PAX5: variants seen among roughly 807,000 people sequenced by gnomAD.
The protein encoded by PAX5 is paired box 5.
A neutral mutation model predicts 43.7 loss-of-function variants in PAX5; 9 were observed. The observed-to-expected ratio is 0.21, with a 90% confidence interval of 0.12 to 0.36. PAX5 has a LOEUF of 0.36. PAX5 is among the 10% of genes least tolerant of loss of function. The probability of loss-of-function intolerance (pLI) is 1.00; values close to 1 mark genes in which losing one functional copy is unlikely to be tolerated. For missense variants in PAX5, 383 were observed against 532.7 expected (o/e 0.72, Z 2.77); for synonymous variants, 228 against 214.3 (o/e 1.06, Z -0.56).
At chr9:36,849,087 A>G (rs1187977629) in intron 8 of PAX5, among the ~76,000 whole-genome samples, 2 of 152,110 alleles carry the variant, frequency 1.3e-5, no homozygotes, top group Non-Finnish European at 2.9e-5. Flanking sequence ...GTTCTGCAGC[A>G]CTGGCTTTGC....
chr9:37,005,997 CAA>C (rs1444746515), intron 4 of PAX5, among the ~76,000 whole-genome samples: 3 of 152,098 alleles, frequency 2.0e-5, no homozygotes, highest in East Asian at 1.9e-4. Flanking sequence ...GAGATCGAAG[CAA>C]GAGAGAGAGA....
Position 37,019,062 on chromosome 9 carries a change from A to G in PAX5, c.212+1574T>C, listed in dbSNP as rs538701023. On this transcript the variant is annotated intron_variant, in intron 2 of 9. Transcript: ENST00000358127. ...TCTCGGTACAATGAAGAGGCTCCAC[A>G]AAAAGATATCTAGGAGCCTTTTGGT... 9.9e-5 allele frequency among the ~76,000 whole-genome samples: 15 copies of G among 152,270 alleles called. 1 individual carries two copies. The South Asian group carries it at 2.1e-3, about 21-fold the overall frequency.
At chr9:36,888,629 A>C (rs1827106587) in intron 7 of PAX5, among the ~76,000 whole-genome samples, 1 of 152,218 alleles carries the variant, frequency 6.6e-6, no homozygotes, top group Non-Finnish European at 1.5e-5. Flanking sequence ...GGAAATGCTC[A>C]ACAGGCAAAG....
chr9:37,014,908 C>A, intron 3 of PAX5, 89 bp downstream of exon 3: 1 of 1,230,842 alleles, frequency 8.1e-7, no homozygotes, highest in Non-Finnish European at 1.2e-6. Context: ...AAAAAAGAGA[C>A]CAGATCTTCA....
At chr9:36,922,959 A>T (rs904741281) in intron 7 of PAX5, 23 of 182,186 alleles carry the variant, frequency 1.3e-4, no homozygotes, top group Non-Finnish European at 1.1e-5. Flanking sequence ...TCTGCCTGCC[A>T]ACATCAATCT....
At chr9:37,014,337 G>T (rs996080980) in intron 3 of PAX5, among the ~76,000 whole-genome samples, 1 of 152,198 alleles carries the variant, frequency 6.6e-6, no homozygotes, top group Non-Finnish European at 1.5e-5. Context: ...GAGATTCCAT[G>T]TATGAGTTGG....
intron 7 of PAX5, among the ~76,000 whole-genome samples, chr9:36,914,183 G>A (rs1829544987): frequency 6.6e-6 from 1 of 152,190 alleles, no homozygotes; most frequent in Non-Finnish European, 1.5e-5. Flanking sequence ...AAACATTCAG[G>A]TACGTGAGAA....
At chr9:36,991,299 T>C (rs1160563795) in intron 5 of PAX5, among the ~76,000 whole-genome samples, 1 of 152,060 alleles carries the variant, frequency 6.6e-6, no homozygotes, top group Non-Finnish European at 1.5e-5. Context: ...GACAGAAAGA[T>C]CTAGAATCTA....
intron 6 of PAX5, among the ~76,000 whole-genome samples, chr9:36,954,286 G>A (rs2132124427): frequency 6.6e-6 from 1 of 152,236 alleles, no homozygotes; most frequent in Middle Eastern, 3.4e-3. Context: ...AAGAAAACGT[G>A]TTGATTTTCC....
Position 37,034,104 on chromosome 9 carries a change from T to G in PAX5, c.-73A>C, listed in dbSNP as rs1418131206. The G allele has an allele frequency of 1.6e-6, 1 of 645,028 alleles. No individual in the cohort carries two copies. Among genetic ancestry groups the G allele is most frequent in the Non-Finnish European group, 2.5e-6 (1 of 407,528 alleles). The allele number at this position is 645,028 out of a possible 1,614,324, so 40.0% of individuals were successfully genotyped here. Reference sequence around the variant, plus strand: ...TTTTTGTGCCTTTTTTTTTCTTTTTTTTTTTTTTTTTTTTTTTTTTTTGGT... The same window carrying G: ...TTTTTGTGCCTTTTTTTTTCTTTTTGTTTTTTTTTTTTTTTTTTTTTTGGT... On this transcript the variant is annotated 5_prime_UTR_variant, in exon 1 of 10. Transcript: ENST00000358127.
chr9:36,957,851 C>T (rs566347036), intron 6 of PAX5, among the ~76,000 whole-genome samples: 12 of 152,272 alleles, frequency 7.9e-5, no homozygotes, highest in South Asian at 4.2e-4. Context: ...ACGCAAACTA[C>T]GAAATTCTTA....
intron 7 of PAX5, among the ~76,000 whole-genome samples, chr9:36,887,250 G>C (rs886248581): frequency 6.6e-6 from 1 of 152,074 alleles, no homozygotes; most frequent in Admixed American, 6.5e-5. Context: ...AGCACCTGAA[G>C]AAAAAACCAA....
chr9:36,946,009 T>C (rs1445891242), intron 6 of PAX5, among the ~76,000 whole-genome samples: 1 of 152,184 alleles, frequency 6.6e-6, no homozygotes, highest in Non-Finnish European at 1.5e-5. Context: ...GATGCACACA[T>C]ATACCTCCCC....
rs148539058 is a variant in PAX5, at chr9:36,881,753, C to T, written c.1012+251G>A. 3.1e-4 allele frequency among the ~76,000 whole-genome samples: 47 copies of T among 152,068 alleles called. No individual in the cohort carries two copies. In the East Asian group the frequency reaches 6.8e-3, roughly 22 times the overall value. ...GCACCCTCTGTGTTCAGACTCTGTA[C>T]GTGGCCAACAAGGCCTGTTTGAGTG... On this transcript the variant is annotated intron_variant, in intron 8 of 9. Transcript: ENST00000358127.
At chr9:36,859,212 G>A (rs1231948592) in intron 8 of PAX5, among the ~76,000 whole-genome samples, 2 of 152,140 alleles carry the variant, frequency 1.3e-5, no homozygotes, top group Non-Finnish European at 2.9e-5. Flanking sequence ...AATCAGACAC[G>A]GTCCCTGCCC....
chr9:36,905,390 G>T (rs569208283), intron 7 of PAX5, among the ~76,000 whole-genome samples: 2 of 152,188 alleles, frequency 1.3e-5, no homozygotes, highest in Non-Finnish European at 2.9e-5. Context: ...CTGGGCAGAC[G>T]GCAAAACTGA....
chr9:36,859,644 T>C (rs1329936848), intron 8 of PAX5, among the ~76,000 whole-genome samples: 1 of 152,220 alleles, frequency 6.6e-6, no homozygotes, highest in Admixed American at 6.5e-5. Flanking sequence ...TAAGTTTTAC[T>C]GCTCTCCTAC....
intron 5 of PAX5, among the ~76,000 whole-genome samples, chr9:36,984,758 A>AT (rs958862607): frequency 6.6e-6 from 1 of 151,836 alleles, no homozygotes; most frequent in African/African-American, 2.4e-5. Context: ...ACCCAGCCTC[A>AT]TTTTTTCCAA....
At chr9:36,973,174 G>GGAAAT (rs1835121636) in intron 5 of PAX5, among the ~76,000 whole-genome samples, 1 of 137,100 alleles carries the variant, frequency 7.3e-6, no homozygotes, top group African/African-American at 2.7e-5. Flanking sequence ...GGAAAGGAAA[G>GGAAAT]GAAAGGAAAG....
Sources: gnomAD v4.1 joint callset for allele counts (sites outside exome capture counted in the v4.1 genomes callset) on GRCh38, gnomAD v4.1.1 for gene constraint, MANE v1.5 for transcripts, NCBI Gene and HGNC (gene_info 2026-07-23, HGNC 2026-07-21) for gene names.